SLCO4C1: variants seen among roughly 807,000 people sequenced by gnomAD.
SLCO4C1 encodes solute carrier organic anion transporter family member 4C1.
In SLCO4C1, 58 loss-of-function variants were observed where a neutral mutation model predicts 72.1. The observed-to-expected ratio is 0.80, with a 90% confidence interval of 0.65 to 1.00. The LOEUF (loss-of-function observed/expected upper bound fraction) is 1.00. Among genes scored for constraint, SLCO4C1 ranks in the 50% least tolerant of loss-of-function variants. The pLI, the probability that SLCO4C1 is intolerant of heterozygous loss-of-function variation, is 0.00. For synonymous variants in SLCO4C1, 297 were observed against 312.5 expected (o/e 0.95, Z 0.52); for missense variants, 898 against 857.9 (o/e 1.05, Z -0.58).
chr5:102,268,233 T>C (rs1749079719), intron 3 of SLCO4C1, among the ~76,000 whole-genome samples: 1 of 152,200 alleles, frequency 6.6e-6, no homozygotes, highest in African/African-American at 2.4e-5. Context: ...TCTTTAACTC[T>C]AATAATATTT....
rs528882432 is a variant in SLCO4C1, at chr5:102,235,361, T to C, written c.*1497A>G. ...ACCCTTATAACAATTTCAAATGTAA[T>C]ACTATCTGGATTTGAACTTCAATAC... On this transcript the variant is annotated 3_prime_UTR_variant, in exon 13 of 13. Coordinates refer to ENST00000310954, the MANE Select transcript of SLCO4C1 (RefSeq NM_180991.5). 6.6e-6 allele frequency: 1 copy of C among 152,330 alleles called. No individual in the cohort carries two copies. The highest frequency in any genetic ancestry group is 2.4e-5 in the African/African-American group (1 of 41,572). The allele number at this position is 152,330 out of a possible 1,614,324, so 9.4% of individuals were successfully genotyped here. A position where few individuals can be genotyped will look rare whatever the true frequency, so the allele number is the denominator to read the frequency against.
At chr5:102,243,110 T>C (rs1003502896) in intron 10 of SLCO4C1, among the ~76,000 whole-genome samples, 10 of 152,124 alleles carry the variant, frequency 6.6e-5, no homozygotes, top group African/African-American at 2.4e-4. Context: ...GGGTGAAGCT[T>C]CTCTGCCTTT....
chr5:102,261,960 C>T lies in SLCO4C1; in HGVS notation c.973G>A (p.Ala325Thr). 2.5e-6 allele frequency: 4 copies of T among 1,612,966 alleles called. No homozygotes were observed. The highest frequency in any genetic ancestry group is 3.4e-6 in the Non-Finnish European group (4 of 1,179,356). ...WIGFLLSWIF[A>T]WSLIIPFSCF... ...GAAAAAGGTATTATTAAAGACCAAGCAAAGATCCATGATAGAAGAAACCCA... is the reference window on the plus strand; with the variant it reads ...GAAAAAGGTATTATTAAAGACCAAGTAAAGATCCATGATAGAAGAAACCCA... Residue 325 changes from alanine to threonine, a missense_variant, in exon 5 of 13, where the codon GCT becomes ACT. Transcript: ENST00000310954.
At chr5:102,273,760 G>A (rs983621970) in intron 2 of SLCO4C1, among the ~76,000 whole-genome samples, 5 of 152,132 alleles carry the variant, frequency 3.3e-5, no homozygotes, top group Admixed American at 1.3e-4. Context: ...TGTACCTTAA[G>A]ATAATCAGAA....
intron 12 of SLCO4C1, among the ~76,000 whole-genome samples, chr5:102,238,176 T>A (rs1250237046): frequency 6.6e-6 from 1 of 152,176 alleles, no homozygotes; most frequent in Non-Finnish European, 1.5e-5. Flanking sequence ...TTTTAAGGTT[T>A]TATATATTTT....
chr5:102,258,609 A>T (rs1748881528), intron 6 of SLCO4C1, among the ~76,000 whole-genome samples: 3 of 152,200 alleles, frequency 2.0e-5, no homozygotes, highest in Admixed American at 2.0e-4. Flanking sequence ...CTATATGGCT[A>T]GACCTCTCAT....
chr5:102,287,849 C>A (rs550375346), intron 2 of SLCO4C1, among the ~76,000 whole-genome samples: 2 of 151,984 alleles, frequency 1.3e-5, no homozygotes, highest in East Asian at 1.9e-4. Context: ...TCATTGCGCC[C>A]GGCCAGGTTT....
intron 6 of SLCO4C1, among the ~76,000 whole-genome samples, chr5:102,259,746 C>A (rs949248516): frequency 1.3e-5 from 2 of 152,034 alleles, no homozygotes; most frequent in African/African-American, 4.8e-5. Context: ...TCAGAATTCT[C>A]AAATATATTT....
chr5:102,254,613 C>A (rs569504415), intron 8 of SLCO4C1, among the ~76,000 whole-genome samples: 8 of 152,086 alleles, frequency 5.3e-5, no homozygotes, highest in Non-Finnish European at 1.2e-4. Flanking sequence ...AGTCAGCAGC[C>A]ATCAACACTG....
At chr5:102,249,905 A>G in intron 8 of SLCO4C1, 117 bp from the exon 9 acceptor site, 1 of 1,032,590 alleles carries the variant, frequency 9.7e-7, no homozygotes, top group Non-Finnish European at 1.4e-6. Flanking sequence ...ACACATAATT[A>G]CTAAACAAAT....
Position 102,280,706 on chromosome 5 carries a change from G to C in SLCO4C1, c.620-9900C>G, listed in dbSNP as rs180814918. ...ACATCTTACATGGTCGCAGGCGAGA[G>C]AGCATGTGAAGGAAGAACTGTCAAA... On this transcript the variant is annotated intron_variant, in intron 2 of 12. Transcript: ENST00000310954. Among the ~76,000 whole-genome samples the C allele has an allele frequency of 5.3e-5, 8 of 152,236 alleles. No individual in the cohort carries two copies. In the East Asian group the frequency reaches 9.7e-4, roughly 18 times the overall value.
At chr5:102,271,529 T>C (rs1749152346) in intron 2 of SLCO4C1, among the ~76,000 whole-genome samples, 1 of 151,836 alleles carries the variant, frequency 6.6e-6, no homozygotes, top group African/African-American at 2.4e-5. Flanking sequence ...CAAAAAGTCA[T>C]ACAAATATGC....
At chr5:102,265,713 C>G (rs1749024765) in intron 3 of SLCO4C1, among the ~76,000 whole-genome samples, 1 of 152,066 alleles carries the variant, frequency 6.6e-6, no homozygotes, top group African/African-American at 2.4e-5. Context: ...ATTACTAAAG[C>G]TTTGTTGTAT....
chr5:102,236,091 T>C lies in SLCO4C1; in HGVS notation c.*767A>G, dbSNP rs547517726. 2 of 152,336 alleles carry C rather than the reference T, an allele frequency of 1.3e-5. No homozygotes were observed. Among genetic ancestry groups the C allele is most frequent in the East Asian group, 1.9e-4 (1 of 5,188 alleles). The allele number at this position is 152,336 out of a possible 1,614,324, so 9.4% of individuals were successfully genotyped here. On this transcript the variant is annotated 3_prime_UTR_variant, in exon 13 of 13. Coordinates refer to ENST00000310954, the MANE Select transcript of SLCO4C1 (RefSeq NM_180991.5). ...GTACTTTCCTCTGAAATATATGCAA[T>C]TGAATAATATTATCACAGAATCATA...
At chr5:102,268,630 T>G (rs376010303) in intron 3 of SLCO4C1, among the ~76,000 whole-genome samples, 2 of 152,314 alleles carry the variant, frequency 1.3e-5, no homozygotes, top group South Asian at 4.1e-4. Context: ...GTTTTCTGAT[T>G]GTTTTATATA....
intron 2 of SLCO4C1, among the ~76,000 whole-genome samples, chr5:102,280,700 G>A (rs148937891): frequency 1.3e-5 from 2 of 152,100 alleles, no homozygotes; most frequent in African/African-American, 4.8e-5. Context: ...ATGGTCGCAG[G>A]CGAGAGAGCA....
intron 10 of SLCO4C1, among the ~76,000 whole-genome samples, chr5:102,245,573 A>G (rs986346338): frequency 5.3e-5 from 8 of 152,202 alleles, no homozygotes; most frequent in African/African-American, 1.9e-4. Flanking sequence ...AGAGAGAGAC[A>G]GGCCTTGATA....
At chr5:102,254,137 A>G (rs1279430863) in intron 8 of SLCO4C1, among the ~76,000 whole-genome samples, 2 of 152,124 alleles carry the variant, frequency 1.3e-5, no homozygotes, top group Non-Finnish European at 2.9e-5. Context: ...TAGAAACCCT[A>G]CATCCTCAGA....
Position 102,249,651 on chromosome 5 carries a change from T to C in SLCO4C1, c.1607A>G (p.His536Arg). The change falls in exon 9 of 13, where the codon CAC becomes CGC. Residue 536 changes from histidine (H) to arginine (R), a missense_variant. His to Arg is a conservative substitution (Grantham distance 29, BLOSUM62 0). Transcript: ENST00000310954. ...CFAGCSNPVA[H>R]RKPKVYYNCS... is the part of the protein sequence containing the mutation. ...GACATAAGCTACCTTTGGCTTCCTGTGTGCAACTGGGTTTGAACAGCCTGC... is the reference window on the plus strand; with the variant it reads ...GACATAAGCTACCTTTGGCTTCCTGCGTGCAACTGGGTTTGAACAGCCTGC... 6.2e-7 allele frequency: 1 copy of C among 1,613,714 alleles called. No individual in the cohort carries two copies. The highest frequency in any genetic ancestry group is 8.5e-7 in the Non-Finnish European group (1 of 1,179,866).
Sources: gnomAD v4.1 joint callset for allele counts (sites outside exome capture counted in the v4.1 genomes callset) on GRCh38, gnomAD v4.1.1 for gene constraint, MANE v1.5 for transcripts, NCBI Gene and HGNC (gene_info 2026-07-23, HGNC 2026-07-21) for gene names.